Variants in TMTC4 observed in about 807,000 individuals in gnomAD.
The protein encoded by TMTC4 is protein O-mannosyl-transferase TMTC4.
Under a neutral mutation model 86.0 loss-of-function variants are expected in TMTC4, and 65 were observed. The observed-to-expected ratio is 0.76, with a 90% CI of 0.62 to 0.93. The LOEUF (loss-of-function observed/expected upper bound fraction) is 0.93, where lower values mean the gene tolerates loss of function less well. Among genes scored for constraint, TMTC4 ranks in the 40% least tolerant of loss-of-function variants. The pLI is 0.00. For missense variants in TMTC4, 866 were observed against 948.1 expected, an observed-to-expected ratio of 0.91 and a Z score of 1.14; for synonymous variants, 379 against 382.5, an observed-to-expected ratio of 0.99 and a Z score of 0.11.
chr13:100,663,249 G>T, intron 4 of TMTC4, 69 bp from the exon 5 acceptor site: 2 of 1,372,440 alleles, frequency 1.5e-6, no homozygotes, highest in Non-Finnish European at 2.1e-6. Context: ...AAGGTCTGGA[G>T]GAGAAGGCTT....
At chr13:100,652,454 G>C (rs1884582017) in intron 6 of TMTC4, among the ~76,000 whole-genome samples, 1 of 152,126 alleles carries the variant, frequency 6.6e-6, no homozygotes, top group African/African-American at 2.4e-5. Context: ...ACTCCAGCCT[G>C]GGCAACAGAG....
At chr13:100,666,882 C>T (rs1048900990) in intron 3 of TMTC4, among the ~76,000 whole-genome samples, 2 of 152,108 alleles carry the variant, frequency 1.3e-5, no homozygotes, top group East Asian at 3.9e-4. Context: ...CTTAGCTACT[C>T]GGGAGGCTAA....
intron 6 of TMTC4, among the ~76,000 whole-genome samples, chr13:100,656,081 C>CTA (rs1285182152): frequency 1.3e-5 from 2 of 152,196 alleles, no homozygotes; most frequent in Admixed American, 6.5e-5. Context: ...ATTCGCAATC[C>CTA]TATAATTTTG....
At chr13:100,622,956 A>G (rs1473521906) in intron 15 of TMTC4, among the ~76,000 whole-genome samples, 1 of 152,146 alleles carries the variant, frequency 6.6e-6, no homozygotes, top group East Asian at 1.9e-4. Flanking sequence ...TGTTTTCTCC[A>G]TTCATAAGAT....
At chr13:100,659,796 G>A (rs987304955) in intron 5 of TMTC4, among the ~76,000 whole-genome samples, 1 of 150,074 alleles carries the variant, frequency 6.7e-6, no homozygotes, top group African/African-American at 2.5e-5. Flanking sequence ...CCAAGCAGAG[G>A]CCAGGAGGGG....
At chr13:100,634,297 G>A (rs1299855092) in intron 12 of TMTC4, among the ~76,000 whole-genome samples, 1 of 152,258 alleles carries the variant, frequency 6.6e-6, no homozygotes, top group African/African-American at 2.4e-5. Flanking sequence ...GCACCCAAAG[G>A]TGACATAAAT....
chr13:100,665,931 C>A, intron 3 of TMTC4: 1 of 444,274 alleles, frequency 2.3e-6, no homozygotes. Flanking sequence ...GAGGCACCTG[C>A]TCCCTTCGTT....
At chr13:100,609,716 C>A (rs992155114) in intron 17 of TMTC4, among the ~76,000 whole-genome samples, 1 of 150,424 alleles carries the variant, frequency 6.6e-6, no homozygotes, top group African/African-American at 2.4e-5. Context: ...TACATATATA[C>A]ATATACATAT....
Position 100,637,996 on chromosome 13 carries a change from C to A in TMTC4, c.768G>T (p.Leu256Phe), listed in dbSNP as rs1566603194. 6.2e-7 allele frequency: 1 copy of A among 1,613,730 alleles called. No homozygotes were observed. Among genetic ancestry groups the A allele is most frequent in the Non-Finnish European group, 8.5e-7 (1 of 1,179,950 alleles). ...VLGLNAVFDI[L>F]VIGKFNVLEI... ...CCAGAACATTGAATTTGCCTATCAC[C>A]AAGATGTCAAATACCGCATTTAAAC... The change falls in exon 8 of 19, where the codon TTG (leucine) becomes TTT (phenylalanine). Residue 256 changes from leucine (L) to phenylalanine (F), a missense_variant. Physicochemically the swap from Leu to Phe is conservative, Grantham distance 22 (BLOSUM62 0). Coordinates refer to ENST00000342624, the MANE Select transcript of TMTC4 (RefSeq NM_032813.5).
At chr13:100,645,669 C>T (rs1883636516) in intron 6 of TMTC4, among the ~76,000 whole-genome samples, 1 of 152,120 alleles carries the variant, frequency 6.6e-6, no homozygotes, top group Non-Finnish European at 1.5e-5. Context: ...TCACTGACTG[C>T]CCCCGTAGAT....
At position 100,635,177 on chromosome 13, in the gene TMTC4, C is replaced by A; in HGVS notation, c.1221G>T (p.Leu407=). 6.2e-7 allele frequency: 1 copy of A among 1,607,940 alleles called. No homozygotes were observed. The highest frequency in any genetic ancestry group is 2.2e-5 in the East Asian group (1 of 44,618). ...GGAGAAATGGGATAACGAGAAATCCCAGGCCCAGAGTAAGGATCCTGGATG... is the reference window on the plus strand; with the variant it reads ...GGAGAAATGGGATAACGAGAAATCCAAGGCCCAGAGTAAGGATCCTGGATG... ...GHKRRILTLG[L]GFLVIPFLPA... is the part of the protein sequence containing the mutation. Residue 407 remains leucine (L), a synonymous_variant, in exon 11 of 19, where the codon CTG becomes CTT. Transcript: ENST00000342624.
intron 6 of TMTC4, among the ~76,000 whole-genome samples, chr13:100,648,419 T>C (rs1264025223): frequency 6.6e-6 from 1 of 152,246 alleles, no homozygotes; most frequent in Non-Finnish European, 1.5e-5. Flanking sequence ...AAATATATTA[T>C]TAAAATCCAT....
chr13:100,605,207 C>G lies in TMTC4; in HGVS notation c.2135-65G>C, dbSNP rs1876394237. 2.0e-6 allele frequency: 3 copies of G among 1,527,384 alleles called. No homozygotes were observed. Among genetic ancestry groups the G allele is most frequent in the African/African-American group, 1.4e-5 (1 of 71,494 alleles). The allele number at this position is 1,527,384 out of a possible 1,614,324, so 94.6% of individuals were successfully genotyped here. On this transcript the variant is annotated intron_variant, in intron 18 of 18. Coordinates refer to ENST00000342624, the MANE Select transcript of TMTC4 (RefSeq NM_032813.5). This position sits in a 1 kb window ranked among gnomAD's most constrained non-coding sequence, Gnocchi z 4.3. ...GAGTAACGTGCCGTATTCCTACCCT[C>G]TTGGACAAAGAAATATTACAGATCC...
intron 3 of TMTC4, 131 bp downstream of exon 3, chr13:100,668,448 T>A (rs1886659544): frequency 1.1e-6 from 1 of 892,996 alleles, no homozygotes; most frequent in South Asian, 1.8e-5. Context: ...GAGAGAAAAA[T>A]CGAGAGCACC....
chr13:100,611,821 C>G (rs917207298), intron 17 of TMTC4, among the ~76,000 whole-genome samples: 6 of 152,152 alleles, frequency 3.9e-5, no homozygotes, highest in African/African-American at 7.2e-5. Context: ...GATTTAGTAT[C>G]TTGTGGTTTT....
At chr13:100,611,246 A>G (rs1230124363) in intron 17 of TMTC4, among the ~76,000 whole-genome samples, 1 of 152,248 alleles carries the variant, frequency 6.6e-6, no homozygotes, top group Non-Finnish European at 1.5e-5. Context: ...CGACTAAGGC[A>G]CTGCTTCTGT....
chr13:100,636,512 G>C lies in TMTC4; in HGVS notation c.1202+20C>G. 1 of 1,613,808 alleles carries C rather than the reference G, an allele frequency of 6.2e-7. No homozygotes were observed. The highest frequency in any genetic ancestry group is 8.5e-7 in the Non-Finnish European group (1 of 1,179,818). On this transcript the variant is annotated intron_variant, in intron 10 of 18. Coordinates refer to ENST00000342624, the MANE Select transcript of TMTC4 (RefSeq NM_032813.5). ...CTGACTCAACCAGCGTGGAACTTAA[G>C]ATTCAGTGCTGCCTCTTACCTTCTC...
rs1242637577 is a variant in TMTC4, at chr13:100,656,432, C to A, written c.589G>T (p.Ala197Ser). Reference protein sequence around the residue: ...GVVGRADLLCALFFLLSFLGY... With the variant: ...GVVGRADLLCSLFFLLSFLGY... ...AGGAAAGATAACAAGAAGAACAGGG[C>A]ACACAGGAGGTCTGCACGGCCGACA... The change falls in exon 6 of 19, where the codon GCC becomes TCC. Residue 197 changes from alanine (A) to serine (S), a missense_variant. By Grantham distance (99) the Ala-to-Ser change is moderately conservative. Coordinates refer to ENST00000342624, the MANE Select transcript of TMTC4 (RefSeq NM_032813.5). The A allele has an allele frequency of 1.2e-6, 2 of 1,612,810 alleles. No homozygotes were observed. Among genetic ancestry groups the A allele is most frequent in the African/African-American group, 2.7e-5 (2 of 74,756 alleles).
intron 5 of TMTC4, among the ~76,000 whole-genome samples, chr13:100,661,861 C>T (rs986484838): frequency 6.6e-6 from 1 of 152,144 alleles, no homozygotes; most frequent in African/African-American, 2.4e-5. Flanking sequence ...CCCTAAGAAA[C>T]GAGAAGTCTA....
Sources: allele counts gnomAD v4.1 joint callset (sites outside exome capture counted in the v4.1 genomes callset), GRCh38; gene constraint gnomAD v4.1.1; non-coding constraint Gnocchi (gnomAD v3.1); transcripts MANE v1.5; gene names NCBI Gene and HGNC (gene_info 2026-07-23, HGNC 2026-07-21).